Variants in DPP10 observed in about 807,000 individuals in gnomAD.
The protein encoded by DPP10 is inactive dipeptidyl peptidase 10.
A neutral mutation model predicts 120.9 loss-of-function variants in DPP10; 33 were observed. The observed-to-expected ratio is 0.27, with a 90% CI of 0.21 to 0.37. The LOEUF is 0.37. Among genes scored for constraint, DPP10 ranks in the 10% least tolerant of loss-of-function variants. The pLI is 1.00. For missense variants in DPP10, 816 were observed against 942.8 expected, an observed-to-expected ratio of 0.87 and a Z score of 1.76; for synonymous variants, 337 against 326.1, an observed-to-expected ratio of 1.03 and a Z score of -0.36.
chr2:114,521,200 TAAC>T (rs1031392676), intron 1 of DPP10, among the ~76,000 whole-genome samples: 13 of 150,862 alleles, frequency 8.6e-5, no homozygotes, highest in Admixed American at 4.7e-4. Context: ...TAATAAAAGA[TAAC>T]AACTTAATAA....
chr2:114,528,508 C>A (rs1258445977), intron 1 of DPP10, among the ~76,000 whole-genome samples: 3 of 151,912 alleles, frequency 2.0e-5, no homozygotes, highest in Non-Finnish European at 4.4e-5. Flanking sequence ...AGGGACTGCA[C>A]TATTCATTCA....
intron 1 of DPP10, among the ~76,000 whole-genome samples, chr2:114,585,645 A>C (rs1198816223): frequency 1.3e-5 from 2 of 152,216 alleles, no homozygotes; most frequent in Non-Finnish European, 2.9e-5. Flanking sequence ...GCAGACACCC[A>C]GATCAAGGAA....
chr2:114,853,380 A>G (rs1689122170), intron 1 of DPP10, among the ~76,000 whole-genome samples: 1 of 152,164 alleles, frequency 6.6e-6, no homozygotes, highest in Admixed American at 6.5e-5. Context: ...CAAGACCATC[A>G]TTCTGATTCA....
intron 1 of DPP10, among the ~76,000 whole-genome samples, chr2:115,134,767 A>G (rs1008139564): frequency 5.3e-5 from 8 of 152,190 alleles, no homozygotes; most frequent in African/African-American, 1.9e-4. Flanking sequence ...AAACACCACA[A>G]TGAAAACAGT....
chr2:115,677,113 G>C (rs1438484419), intron 5 of DPP10, among the ~76,000 whole-genome samples: 3 of 152,108 alleles, frequency 2.0e-5, no homozygotes, highest in Non-Finnish European at 4.4e-5. Context: ...AAATTAAGGA[G>C]AAATAAAGTG....
intron 2 of DPP10, among the ~76,000 whole-genome samples, chr2:115,324,054 A>G (rs973647649): frequency 5.3e-5 from 8 of 152,030 alleles, no homozygotes; most frequent in African/African-American, 4.8e-5. Flanking sequence ...CTCTCTAGCT[A>G]TGAAAGTCCT....
chr2:115,626,982 AG>A (rs2085416342), intron 5 of DPP10, among the ~76,000 whole-genome samples: 2 of 152,208 alleles, frequency 1.3e-5, no homozygotes, highest in Non-Finnish European at 2.9e-5. Flanking sequence ...GGGTTATGCC[AG>A]AAAGCAATGG....
In DPP10 at chr2:115,514,253, A is replaced by AT. The variant is rs995715751; in HGVS notation, c.367-11638dup. On this transcript the variant is annotated intron_variant, in intron 4 of 25. Coordinates refer to ENST00000410059, the MANE Select transcript of DPP10 (RefSeq NM_020868.6). ...CTATGTGTGGATCTTTTTGAGCAGA[A>AT]TTTTTTTGAGTAGAAACTTGGAATT... 5.9e-5 allele frequency among the ~76,000 whole-genome samples: 9 copies of AT among 151,434 alleles called. No homozygotes were observed. In the East Asian group the frequency reaches 9.8e-4, roughly 16 times the overall value.
At chr2:114,774,372 A>T (rs1214896049) in intron 1 of DPP10, among the ~76,000 whole-genome samples, 1 of 151,882 alleles carries the variant, frequency 6.6e-6, no homozygotes, top group Non-Finnish European at 1.5e-5. Flanking sequence ...CGTTTGTTAC[A>T]GAATGCCATA....
chr2:115,585,576 CCTTT>C (rs757609703), intron 5 of DPP10, among the ~76,000 whole-genome samples: 1 of 152,190 alleles, frequency 6.6e-6, no homozygotes, highest in Non-Finnish European at 1.5e-5. Context: ...TCCCTTCCTT[CCTTT>C]CTTTTTTCCT....
chr2:114,709,745 G>A lies in DPP10; in HGVS notation c.60+266907G>A, dbSNP rs1264466871. Among the ~76,000 whole-genome samples, 5 of 152,242 alleles carry A rather than the reference G, an allele frequency of 3.3e-5. No individual in the cohort carries two copies. In the East Asian group the frequency reaches 5.8e-4, roughly 18 times the overall value. The stretch of plus-strand genomic sequence containing the variant: ...ATTTATAATTGGTGAATTGCAGATC[G>A]ATCTATATGATGGGAATACGTTCTA... On this transcript the variant is annotated intron_variant, in intron 1 of 25. Transcript: ENST00000410059.
intron 1 of DPP10, among the ~76,000 whole-genome samples, chr2:114,648,930 C>G: frequency 6.6e-6 from 1 of 152,174 alleles, no homozygotes; most frequent in East Asian, 1.9e-4. Context: ...CCAATCCTTT[C>G]TGTAATTCCT....
At chr2:114,836,070 C>G (rs886684235) in intron 1 of DPP10, among the ~76,000 whole-genome samples, 1 of 152,132 alleles carries the variant, frequency 6.6e-6, no homozygotes, top group Non-Finnish European at 1.5e-5. Context: ...ACCTGGTGCT[C>G]TTTCACCCCA....
At chr2:115,794,827 G>A (rs1441167300) in intron 19 of DPP10, among the ~76,000 whole-genome samples, 10 of 151,822 alleles carry the variant, frequency 6.6e-5, no homozygotes, top group South Asian at 2.1e-4. Context: ...TTATAACCTC[G>A]TATTGTTCTT....
chr2:114,776,921 C>A (rs1011139868), intron 1 of DPP10, among the ~76,000 whole-genome samples: 1 of 151,470 alleles, frequency 6.6e-6, no homozygotes, highest in Non-Finnish European at 1.5e-5. Context: ...GATCAGTGTT[C>A]TCATAATTAA....
chr2:114,686,901 T>C (rs1432821858), intron 1 of DPP10, among the ~76,000 whole-genome samples: 2 of 151,946 alleles, frequency 1.3e-5, no homozygotes, highest in Non-Finnish European at 2.9e-5. Flanking sequence ...TATCCAACTA[T>C]TGCAACCAGA....
chr2:115,726,919 G>A (rs757305733), intron 7 of DPP10, among the ~76,000 whole-genome samples: 2 of 144,606 alleles, frequency 1.4e-5, no homozygotes, highest in Non-Finnish European at 3.0e-5. Flanking sequence ...TAGAATGTTT[G>A]ATCTAAATAG....
intron 1 of DPP10, among the ~76,000 whole-genome samples, chr2:115,092,432 C>T (rs1193883829): frequency 6.6e-6 from 1 of 152,116 alleles, no homozygotes; most frequent in African/African-American, 2.4e-5. Flanking sequence ...CCTCTGTTCC[C>T]CATAAGCGTG....
chr2:115,117,596 A>G (rs1221211927), intron 1 of DPP10, among the ~76,000 whole-genome samples: 1 of 152,220 alleles, frequency 6.6e-6, no homozygotes, highest in African/African-American at 2.4e-5. Context: ...TGACAGTGTG[A>G]GAGCCTGTCT....
Sources: gnomAD v4.1 joint callset for allele counts (sites outside exome capture counted in the v4.1 genomes callset) on GRCh38, gnomAD v4.1.1 for gene constraint, MANE v1.5 for transcripts, NCBI Gene and HGNC (gene_info 2026-07-23, HGNC 2026-07-21) for gene names.